CPNE4: variants seen among roughly 807,000 people sequenced by gnomAD.
CPNE4 encodes the protein copine-4.
CPNE4 carries 25 observed loss-of-function variants against 67.9 expected under a neutral mutation model. The observed-to-expected ratio is 0.37, with a 90% CI of 0.27 to 0.51. The LOEUF is 0.51. Ranked by LOEUF, CPNE4 falls within the 20% of genes least tolerant of loss-of-function variation. The pLI is 0.93. For synonymous variants in CPNE4, 242 were observed against 244.9 expected (o/e 0.99, Z 0.11); for missense variants, 464 against 690.8 (o/e 0.67, Z 3.68).
chr3:131,550,579 G>A (rs182424679), intron 13 of CPNE4, among the ~76,000 whole-genome samples: 5 of 152,140 alleles, frequency 3.3e-5, no homozygotes, highest in East Asian at 1.9e-4. Flanking sequence ...GATACTACCC[G>A]TGCCCTCTAT....
chr3:131,538,079 A>G (rs2107622467), intron 15 of CPNE4, among the ~76,000 whole-genome samples: 1 of 152,302 alleles, frequency 6.6e-6, no homozygotes, highest in Middle Eastern at 3.4e-3. Context: ...GCATAATGTT[A>G]CCCTTGGTTA....
chr3:131,743,907 G>C (rs1273265025), intron 2 of CPNE4, among the ~76,000 whole-genome samples: 4 of 125,896 alleles, frequency 3.2e-5, no homozygotes, highest in Middle Eastern at 5.7e-3. Context: ...AGCTTGCAGT[G>C]AGCCGAGATC....
At chr3:131,901,295 C>T (rs1467143536) in intron 2 of CPNE4, among the ~76,000 whole-genome samples, 1 of 152,082 alleles carries the variant, frequency 6.6e-6, no homozygotes, top group Non-Finnish European at 1.5e-5. Context: ...ATTTCCACTC[C>T]TCGATGGAAG....
chr3:131,804,758 T>G (rs2084251205), intron 2 of CPNE4, among the ~76,000 whole-genome samples: 1 of 152,160 alleles, frequency 6.6e-6, no homozygotes, highest in East Asian at 1.9e-4. Context: ...TTGGAACTAT[T>G]CCACTGCCAT....
chr3:131,545,415 A>C (rs1012629692), intron 14 of CPNE4, among the ~76,000 whole-genome samples: 2 of 152,308 alleles, frequency 1.3e-5, no homozygotes, highest in South Asian at 4.1e-4. Context: ...GGTAAATTAC[A>C]TTTTTATTTT....
In CPNE4 at chr3:131,764,735, G is replaced by T. The variant is rs2082967616; in HGVS notation, c.181-41110C>A. 3.3e-5 allele frequency among the ~76,000 whole-genome samples: 5 copies of T among 152,194 alleles called. No individual in the cohort carries two copies. The South Asian group carries it at 1.0e-3, about 32-fold the overall frequency. On this transcript the variant is annotated intron_variant, in intron 2 of 15. Coordinates refer to ENST00000429747, the MANE Select transcript of CPNE4 (RefSeq NM_130808.3). ...AGAAGAAGACTGCTTTGTCCATTTA[G>T]CAAGAAATATATGACTGAAATATTT... is the stretch of plus-strand genomic sequence containing the variant.
chr3:131,967,210 G>C (rs1379599394), intron 1 of CPNE4, among the ~76,000 whole-genome samples: 1 of 152,168 alleles, frequency 6.6e-6, no homozygotes, highest in East Asian at 1.9e-4. Flanking sequence ...ACTAGGTATT[G>C]ATGGAACATA....
At chr3:131,994,506 C>T (rs72628545) in intron 1 of CPNE4, among the ~76,000 whole-genome samples, 9,832 of 150,942 alleles carry the variant, frequency 0.065, 2,373 homozygotes, top group East Asian at 0.18. Flanking sequence ...CCAGGCAATT[C>T]AATTTATATG....
chr3:131,629,664 C>T (rs183216774), intron 7 of CPNE4, among the ~76,000 whole-genome samples: 10 of 152,160 alleles, frequency 6.6e-5, no homozygotes, highest in South Asian at 2.1e-4. Context: ...AGGCTGGTCT[C>T]GAACTCCTGG....
chr3:131,556,208 T>C (rs1936448719), intron 11 of CPNE4, among the ~76,000 whole-genome samples: 1 of 152,056 alleles, frequency 6.6e-6, no homozygotes, highest in African/African-American at 2.4e-5. Context: ...ACCCCATCTC[T>C]ACTAAAAATA....
intron 1 of CPNE4, among the ~76,000 whole-genome samples, chr3:131,996,454 G>T (rs1477259574): frequency 1.3e-5 from 2 of 150,634 alleles, no homozygotes; most frequent in African/African-American, 4.9e-5. Flanking sequence ...ACTAGAAGGA[G>T]ACACTCAATA....
rs553515616 is a variant in CPNE4 at position 131,956,687 on chromosome 3, A to G, written c.-1-51243T>C. Among the ~76,000 whole-genome samples the G allele has an allele frequency of 2.8e-3, 432 of 152,244 alleles. 1 individual carries two copies. Among genetic ancestry groups the G allele is most frequent in the Non-Finnish European group, 5.0e-3 (338 of 67,948 alleles). ...AAAAATAATTGAGATTGATATATAA[A>G]GTGTGTCCTATCCATCCCATTGGTT... is the stretch of plus-strand genomic sequence containing the variant. On this transcript the variant is annotated intron_variant, in intron 1 of 15. Transcript: ENST00000429747.
chr3:131,938,577 A>G lies in CPNE4; in HGVS notation c.-1-33133T>C, dbSNP rs112001344. The stretch of plus-strand genomic sequence containing the variant: ...GCTGGAGAGGCCTCAGGAAACTTAC[A>G]ATCATGGCAGAATGCAAAGGGGAAG... On this transcript the variant is annotated intron_variant, in intron 1 of 15. Transcript: ENST00000429747. 1.2e-3 allele frequency among the ~76,000 whole-genome samples: 190 copies of G among 152,200 alleles called. 1 individual carries two copies. The highest frequency in any genetic ancestry group is 4.5e-3 in the African/African-American group (186 of 41,554).
rs143671006 is a variant in CPNE4, at chr3:131,911,650, G to A, written c.-1-6206C>T. On this transcript the variant is annotated intron_variant, in intron 1 of 15. Transcript: ENST00000429747. ...TGGATCCCCAGTAGTGCTCATCTTG[G>A]TAATATTTCTGGTCTGGTGATGAAG... Among the ~76,000 whole-genome samples the A allele has an allele frequency of 2.9e-3, 444 of 151,130 alleles. 5 individuals carry two copies. Among genetic ancestry groups the A allele is most frequent in the African/African-American group, 0.01 (421 of 41,216 alleles).
chr3:131,688,579 C>T (rs751015423), intron 5 of CPNE4, among the ~76,000 whole-genome samples: 5 of 152,120 alleles, frequency 3.3e-5, no homozygotes, highest in Non-Finnish European at 7.4e-5. Flanking sequence ...TGTAACTTCA[C>T]GCTTTGCCTC....
At chr3:131,817,298 G>T (rs1478946748) in intron 2 of CPNE4, among the ~76,000 whole-genome samples, 2 of 152,192 alleles carry the variant, frequency 1.3e-5, no homozygotes, top group Non-Finnish European at 2.9e-5. Context: ...AGGCTTAAAG[G>T]AGAGGAGGGA....
chr3:131,952,542 G>A (rs186060009), intron 1 of CPNE4, among the ~76,000 whole-genome samples: 4,962 of 95,504 alleles, frequency 0.052, 517 homozygotes, highest in East Asian at 0.39. Context: ...CCTCCCGCCC[G>A]GCCAGCCACC....
chr3:131,829,848 G>C (rs1019264476), intron 2 of CPNE4, among the ~76,000 whole-genome samples: 1 of 152,166 alleles, frequency 6.6e-6, no homozygotes, highest in Non-Finnish European at 1.5e-5. Context: ...TTTACTAGCA[G>C]AACACCGAGT....
intron 10 of CPNE4, among the ~76,000 whole-genome samples, chr3:131,568,737 T>C (rs1937185256): frequency 2.0e-5 from 3 of 152,058 alleles, no homozygotes; most frequent in Non-Finnish European, 4.4e-5. Flanking sequence ...AAAAGGCTGG[T>C]TGCAAATGAT....
Sources: gnomAD v4.1 joint callset for allele counts (sites outside exome capture counted in the v4.1 genomes callset) on GRCh38, gnomAD v4.1.1 for gene constraint, MANE v1.5 for transcripts, NCBI Gene and HGNC (gene_info 2026-07-23, HGNC 2026-07-21) for gene names.